Variants in CNTN4 observed in about 807,000 individuals in gnomAD.
The protein encoded by CNTN4 is contactin 4.
In CNTN4, 77 loss-of-function variants were observed where a neutral mutation model predicts 122.5. The observed-to-expected ratio is 0.63, with a 90% confidence interval of 0.52 to 0.76. The LOEUF is 0.76. Among genes scored for constraint, CNTN4 ranks in the 30% least tolerant of loss-of-function variants. CNTN4 has a pLI of 0.00. For synonymous variants in CNTN4, 512 were observed against 447.0 expected, an observed-to-expected ratio of 1.15 and a Z score of -1.83; for missense variants, 1,256 against 1,259.1, an observed-to-expected ratio of 1.00 and a Z score of 0.04.
At chr3:2,780,703 G>T (rs1241278259) in intron 6 of CNTN4, among the ~76,000 whole-genome samples, 2 of 152,118 alleles carry the variant, frequency 1.3e-5, no homozygotes, top group Non-Finnish European at 2.9e-5. Flanking sequence ...TGTAGTCCTT[G>T]CTATTCCCCA....
chr3:2,689,304 C>T (rs1212207692), intron 4 of CNTN4, among the ~76,000 whole-genome samples: 3 of 152,158 alleles, frequency 2.0e-5, no homozygotes, highest in African/African-American at 7.2e-5. Context: ...TGAAATATGG[C>T]TGCTCTCAGC....
At chr3:2,806,904 T>A (rs1200222956) in intron 6 of CNTN4, among the ~76,000 whole-genome samples, 3 of 152,258 alleles carry the variant, frequency 2.0e-5, no homozygotes, top group African/African-American at 7.2e-5. Flanking sequence ...TTATATTACT[T>A]CTTCTTTTCA....
intron 2 of CNTN4, among the ~76,000 whole-genome samples, chr3:2,312,894 T>C (rs989482778): frequency 3.3e-5 from 5 of 151,872 alleles, no homozygotes; most frequent in Non-Finnish European, 5.9e-5. Context: ...GGAAATAACA[T>C]TGAAAACTGG....
chr3:2,213,417 A>G (rs549528389), intron 2 of CNTN4, among the ~76,000 whole-genome samples: 1 of 152,162 alleles, frequency 6.6e-6, no homozygotes, highest in African/African-American at 2.4e-5. Context: ...TTTAATCCCA[A>G]TGCTAAATTC....
intron 2 of CNTN4, among the ~76,000 whole-genome samples, chr3:2,130,689 G>T (rs561808814): frequency 6.6e-6 from 1 of 152,236 alleles, no homozygotes; most frequent in South Asian, 2.1e-4. Flanking sequence ...CCCAAGTTTT[G>T]TGGGATCCCT....
chr3:2,815,425 G>A (rs1250988563), intron 6 of CNTN4, among the ~76,000 whole-genome samples: 1 of 152,066 alleles, frequency 6.6e-6, no homozygotes, highest in Non-Finnish European at 1.5e-5. Flanking sequence ...CAAAAAAGTG[G>A]ACTAAGGACA....
chr3:2,819,242 A>G (rs2092809533), intron 6 of CNTN4, among the ~76,000 whole-genome samples: 1 of 152,200 alleles, frequency 6.6e-6, no homozygotes, highest in African/African-American at 2.4e-5. Flanking sequence ...ATTGTATTTA[A>G]TTTTAATTAT....
chr3:2,429,674 C>G (rs1054472318), intron 3 of CNTN4, among the ~76,000 whole-genome samples: 5 of 152,154 alleles, frequency 3.3e-5, no homozygotes, highest in African/African-American at 1.2e-4. Context: ...TGCCATGCCC[C>G]GAAGAGTTGG....
At chr3:2,785,739 A>T (rs1168240402) in intron 6 of CNTN4, among the ~76,000 whole-genome samples, 1 of 152,114 alleles carries the variant, frequency 6.6e-6, no homozygotes, top group African/African-American at 2.4e-5. Context: ...GCTCTGCTGA[A>T]GTGATACGGA....
At chr3:2,209,984 T>C (rs1467847668) in intron 2 of CNTN4, among the ~76,000 whole-genome samples, 1 of 152,160 alleles carries the variant, frequency 6.6e-6, no homozygotes, top group Non-Finnish European at 1.5e-5. Context: ...CTGGTATTAT[T>C]ATCAAAGCAT....
chr3:2,138,052 A>G (rs1003198515), intron 2 of CNTN4, among the ~76,000 whole-genome samples: 34 of 151,052 alleles, frequency 2.3e-4, no homozygotes, highest in African/African-American at 7.8e-4. Context: ...TCACCTCCCA[A>G]TATTCTTCTT....
intron 4 of CNTN4, among the ~76,000 whole-genome samples, chr3:2,717,628 C>A (rs942235586): frequency 2.0e-5 from 3 of 152,142 alleles, no homozygotes; most frequent in African/African-American, 7.2e-5. Context: ...AGTAAAACAT[C>A]AAACCTGGGG....
At chr3:3,032,289 T>G (rs1425160210) in intron 16 of CNTN4, among the ~76,000 whole-genome samples, 1 of 152,248 alleles carries the variant, frequency 6.6e-6, no homozygotes, top group Non-Finnish European at 1.5e-5. Flanking sequence ...TTATCCTCTA[T>G]TTAATTAGGA....
At chr3:2,153,664 G>A (rs1026168103) in intron 2 of CNTN4, among the ~76,000 whole-genome samples, 16 of 144,012 alleles carry the variant, frequency 1.1e-4, no homozygotes, top group South Asian at 4.1e-4. Flanking sequence ...TATTCTGAGC[G>A]GGGAGGTAGT....
intron 15 of CNTN4, among the ~76,000 whole-genome samples, chr3:3,029,703 GC>G (rs1019915341): frequency 6.6e-6 from 1 of 152,108 alleles, no homozygotes; most frequent in East Asian, 1.9e-4. Flanking sequence ...TCCTGGCTCT[GC>G]CATTTTCTAG....
intron 2 of CNTN4, among the ~76,000 whole-genome samples, chr3:2,317,005 A>G (rs1056030369): frequency 1.3e-5 from 2 of 152,134 alleles, no homozygotes; most frequent in African/African-American, 4.8e-5. Flanking sequence ...TTCTTTCTAC[A>G]TACATGCACA....
chr3:2,863,484 G>A (rs13099231), intron 7 of CNTN4, among the ~76,000 whole-genome samples: 3,895 of 122,580 alleles, frequency 0.032, 70 homozygotes, highest in Non-Finnish European at 0.042. Context: ...AAATGGTTAC[G>A]CTGTTATATT....
intron 2 of CNTN4, among the ~76,000 whole-genome samples, chr3:2,325,294 C>G (rs1456696372): frequency 6.6e-6 from 1 of 152,016 alleles, no homozygotes; most frequent in Non-Finnish European, 1.5e-5. Flanking sequence ...TTATTTTTTG[C>G]TTTATATAAT....
chr3:2,270,327 A>G (rs996549350), intron 2 of CNTN4, among the ~76,000 whole-genome samples: 3 of 152,088 alleles, frequency 2.0e-5, no homozygotes, highest in African/African-American at 7.2e-5. Flanking sequence ...AATTAGTGTC[A>G]TGGGGGTTTG....
Sources: gnomAD v4.1 joint callset for allele counts (sites outside exome capture counted in the v4.1 genomes callset) on GRCh38, gnomAD v4.1.1 for gene constraint, MANE v1.5 for transcripts, NCBI Gene and HGNC (gene_info 2026-07-23, HGNC 2026-07-21) for gene names.